Variants in PALM2AKAP2 observed in about 807,000 individuals in gnomAD.
PALM2AKAP2 encodes PALM2 and AKAP2 fusion.
PALM2AKAP2 carries 37 observed loss-of-function variants against 71.5 expected under a neutral mutation model. The observed-to-expected ratio is 0.52, with a 90% CI of 0.40 to 0.68. PALM2AKAP2 has a LOEUF of 0.68. Among genes scored for constraint, PALM2AKAP2 ranks in the 30% least tolerant of loss-of-function variants. The pLI is 0.00. For synonymous variants in PALM2AKAP2, 468 were observed against 478.8 expected, an observed-to-expected ratio of 0.98 and a Z score of 0.29; for missense variants, 1,224 against 1,191.8, an observed-to-expected ratio of 1.03 and a Z score of -0.40.
intron 1 of PALM2AKAP2, among the ~76,000 whole-genome samples, chr9:109,644,412 T>G (rs1429894046): frequency 1.3e-5 from 2 of 152,192 alleles, no homozygotes; most frequent in African/African-American, 4.8e-5. Context: ...TAAACATTTA[T>G]TAAAAGAGGG....
rs139023324 is a variant in PALM2AKAP2, at chr9:109,653,654, G to A, written c.5+12788G>A. 4.6e-5 allele frequency among the ~76,000 whole-genome samples: 7 copies of A among 152,298 alleles called. No individual in the cohort carries two copies. In the East Asian group the frequency reaches 9.6e-4, roughly 21 times the overall value. On this transcript the variant is annotated intron_variant, in intron 1 of 6. Transcript: ENST00000374531. ...CAGATCCTGATTCTGTAGATAGGGGGTGTAGTTGGGGGGTTCCTGTGTTCC... is the reference window on the plus strand; with the variant it reads ...CAGATCCTGATTCTGTAGATAGGGGATGTAGTTGGGGGGTTCCTGTGTTCC...
At chr9:109,885,452 T>G (rs754627667) in intron 3 of PALM2AKAP2, among the ~76,000 whole-genome samples, 9 of 152,214 alleles carry the variant, frequency 5.9e-5, no homozygotes, top group Non-Finnish European at 1.3e-4. Flanking sequence ...TGTAATCTGT[T>G]TTTTAAAAGG....
At chr9:110,101,248 A>C (rs1056502484) in intron 1 of PALM2AKAP2, among the ~76,000 whole-genome samples, 4 of 152,090 alleles carry the variant, frequency 2.6e-5, no homozygotes, top group African/African-American at 9.7e-5. Context: ...AAAGACACGC[A>C]GGATGTGGGG....
At chr9:109,728,817 C>T (rs748852823) in intron 1 of PALM2AKAP2, among the ~76,000 whole-genome samples, 26 of 152,270 alleles carry the variant, frequency 1.7e-4, no homozygotes, top group African/African-American at 2.6e-4. Context: ...TTGTATGTCA[C>T]ACTCACCCCC....
chr9:110,014,621 A>G (rs1317419750), intron 6 of PALM2AKAP2, among the ~76,000 whole-genome samples: 1 of 150,738 alleles, frequency 6.6e-6, no homozygotes, highest in East Asian at 2.0e-4. Context: ...AAAAATACAA[A>G]AATTAGCTGG....
rs1273306405 is a variant in PALM2AKAP2 at position 109,806,208 on chromosome 9, A to G, written c.45+25675A>G. On this transcript the variant is annotated intron_variant, in intron 1 of 9. Coordinates refer to the PALM2AKAP2 transcript ENST00000302798. ...TACCCAATTATAAAATGCAGTAAAC[A>G]TAAAAACAATTTTCTTTTTGATTTA... 3.3e-5 allele frequency among the ~76,000 whole-genome samples: 5 copies of G among 152,264 alleles called. No individual in the cohort carries two copies. The East Asian group carries it at 9.6e-4, about 29-fold the overall frequency.
At chr9:109,913,663 T>C (rs577085446) in intron 3 of PALM2AKAP2, among the ~76,000 whole-genome samples, 1 of 152,028 alleles carries the variant, frequency 6.6e-6, no homozygotes, top group South Asian at 2.1e-4. Context: ...AATTCAACAA[T>C]ATGTGGTAAG....
chr9:109,932,153 G>A (rs1372487357), intron 6 of PALM2AKAP2, 125 bp downstream of exon 6: 1 of 1,078,622 alleles, frequency 9.3e-7, no homozygotes, highest in East Asian at 2.8e-5. Flanking sequence ...CCCAGCCTCA[G>A]ATGCAGCCTT....
At chr9:109,908,779 G>C (rs1167158166) in intron 3 of PALM2AKAP2, among the ~76,000 whole-genome samples, 1 of 151,090 alleles carries the variant, frequency 6.6e-6, no homozygotes, top group African/African-American at 2.4e-5. Flanking sequence ...ATTTGTGAAA[G>C]ATGTGGCTGA....
At chr9:109,672,968 TTG>T (rs1456922440) in intron 1 of PALM2AKAP2, among the ~76,000 whole-genome samples, 6 of 152,028 alleles carry the variant, frequency 3.9e-5, no homozygotes, top group African/African-American at 9.7e-5. Flanking sequence ...GTGTTTCTGA[TTG>T]TGTTTATTAA....
At chr9:110,150,442 T>A (rs894165443) in intron 2 of PALM2AKAP2, among the ~76,000 whole-genome samples, 56 of 152,102 alleles carry the variant, frequency 3.7e-4, no homozygotes, top group Non-Finnish European at 7.1e-4. Flanking sequence ...CATGGCCCCT[T>A]CCTCCATCTT....
chr9:109,774,188 G>A (rs1357304374), intron 1 of PALM2AKAP2, among the ~76,000 whole-genome samples: 1 of 152,232 alleles, frequency 6.6e-6, no homozygotes, highest in Non-Finnish European at 1.5e-5. Flanking sequence ...GCACATCGTG[G>A]TCATTGTGCT....
rs1228027176 is a variant in PALM2AKAP2, at chr9:109,880,700, A to T, written c.257+19A>T. 1 of 1,612,742 alleles carries T rather than the reference A, an allele frequency of 6.2e-7. No homozygotes were observed. The highest frequency in any genetic ancestry group is 1.3e-5 in the African/African-American group (1 of 74,924). On this transcript the variant is annotated intron_variant, in intron 3 of 9. Transcript: ENST00000302798. ...TTCAGAGGTAGGTGGCTTCCAGCCCAGGGAACCCATGCTACAGTTTTTCAG... is the reference window on the plus strand; with the variant it reads ...TTCAGAGGTAGGTGGCTTCCAGCCCTGGGAACCCATGCTACAGTTTTTCAG...
chr9:110,029,399 C>T (rs1003761787), intron 7 of PALM2AKAP2, among the ~76,000 whole-genome samples: 2 of 152,096 alleles, frequency 1.3e-5, no homozygotes, highest in African/African-American at 4.8e-5. Flanking sequence ...GGTAAAATCC[C>T]CTATCTCTGA....
intron 1 of PALM2AKAP2, among the ~76,000 whole-genome samples, chr9:109,751,251 C>A (rs962566572): frequency 2.0e-4 from 31 of 152,198 alleles, no homozygotes; most frequent in South Asian, 4.1e-4. Flanking sequence ...AGGGAAAAAA[C>A]CCCACTTTAA....
At chr9:110,167,917 A>T (rs1215143845) in intron 3 of PALM2AKAP2, among the ~76,000 whole-genome samples, 1 of 152,196 alleles carries the variant, frequency 6.6e-6, no homozygotes, top group Non-Finnish European at 1.5e-5. Context: ...TCAAATTAAA[A>T]TTAATTAAAA....
Position 110,168,386 on chromosome 9 carries a change from CCT to C in PALM2AKAP2, c.2749-8_2749-7del. The C allele has an allele frequency of 6.2e-7, 1 of 1,609,810 alleles. No individual in the cohort carries two copies. The highest frequency in any genetic ancestry group is 8.5e-7 in the Non-Finnish European group (1 of 1,178,840). Reference sequence around the variant, plus strand: ...CCATGAACTCTGCATAATTTTTTCCCCTCTCTTTACAGGTCCTCGAGGCCACA... The same window carrying C: ...CCATGAACTCTGCATAATTTTTTCCCCTCTTTACAGGTCCTCGAGGCCACA... On this transcript the variant is annotated splice_polypyrimidine_tract_variant and intron_variant, in intron 3 of 3. Coordinates refer to ENST00000374525, the Ensembl canonical transcript of PALM2AKAP2.
intron 1 of PALM2AKAP2, among the ~76,000 whole-genome samples, chr9:110,115,752 G>A (rs1020784443): frequency 1.9e-5 from 1 of 51,692 alleles, no homozygotes; most frequent in South Asian, 4.8e-4. Flanking sequence ...ATCCACGATC[G>A]TGGGGGTGGT....
At chr9:109,986,068 A>G (rs1332339580) in intron 6 of PALM2AKAP2, among the ~76,000 whole-genome samples, 1 of 152,220 alleles carries the variant, frequency 6.6e-6, no homozygotes, top group Admixed American at 6.5e-5. Context: ...GCGACCCGCT[A>G]CCAAAATCCA....
Sources: allele counts gnomAD v4.1 joint callset (sites outside exome capture counted in the v4.1 genomes callset), GRCh38; gene constraint gnomAD v4.1.1; transcripts MANE v1.5; gene names NCBI Gene and HGNC (gene_info 2026-07-23, HGNC 2026-07-21).